PRORP: variants seen among roughly 807,000 people sequenced by gnomAD.
PRORP encodes the protein mitochondrial ribonuclease P catalytic subunit.
Under a neutral mutation model 59.4 loss-of-function variants are expected in PRORP, and 51 were observed. That is an observed-to-expected ratio of 0.86 (90% CI 0.69 to 1.08). The LOEUF is 1.08. Among genes scored for constraint, PRORP ranks in the 50% least tolerant of loss-of-function variants. The pLI is 0.00. For missense variants in PRORP, 646 were observed against 690.3 expected (o/e 0.94, Z 0.72); for synonymous variants, 231 against 245.6 (o/e 0.94, Z 0.55).
chr14:35,192,557 G>A (rs537307791), intron 5 of PRORP, among the ~76,000 whole-genome samples: 4 of 152,316 alleles, frequency 2.6e-5, no homozygotes, highest in African/African-American at 9.6e-5. Context: ...AAGTCTCCAT[G>A]ACTCATACTT....
At chr14:35,170,862 T>C (rs2048297232) in intron 4 of PRORP, among the ~76,000 whole-genome samples, 1 of 152,102 alleles carries the variant, frequency 6.6e-6, no homozygotes, top group Non-Finnish European at 1.5e-5. Flanking sequence ...TTTTCTTTTT[T>C]TTTTGTGACG....
At chr14:35,151,690 A>G (rs1000919346) in intron 4 of PRORP, among the ~76,000 whole-genome samples, 30 of 151,350 alleles carry the variant, frequency 2.0e-4, no homozygotes, top group Admixed American at 1.8e-3. Flanking sequence ...AGCTTTTACT[A>G]TATATCTTTT....
intron 2 of PRORP, among the ~76,000 whole-genome samples, chr14:35,126,195 CA>C (rs1281607128): frequency 1.3e-5 from 2 of 151,988 alleles, no homozygotes; most frequent in African/African-American, 4.8e-5. Context: ...GCAGTAGAAT[CA>C]TAAGAACTGA....
intron 5 of PRORP, among the ~76,000 whole-genome samples, chr14:35,186,812 C>T (rs574654283): frequency 6.6e-6 from 1 of 152,140 alleles, no homozygotes; most frequent in South Asian, 2.1e-4. Context: ...CTGTGTTGCT[C>T]AGGCTGGTCT....
chr14:35,232,709 C>T (rs1178665383), intron 5 of PRORP, among the ~76,000 whole-genome samples: 2 of 151,766 alleles, frequency 1.3e-5, no homozygotes, highest in East Asian at 1.9e-4. Flanking sequence ...AATCTTTCTT[C>T]GTTGCCAGGC....
chr14:35,183,393 G>C (rs1166894201), intron 5 of PRORP, among the ~76,000 whole-genome samples: 1 of 151,876 alleles, frequency 6.6e-6, no homozygotes, highest in African/African-American at 2.4e-5. Flanking sequence ...AAAATATCAG[G>C]AAAGGAAAAA....
At chr14:35,252,378 G>A (rs183807380) in intron 5 of PRORP, among the ~76,000 whole-genome samples, 1 of 152,304 alleles carries the variant, frequency 6.6e-6, no homozygotes, top group East Asian at 1.9e-4. Context: ...AGCCATGTTT[G>A]TGCCACTGCT....
chr14:35,175,957 A>G (rs1269295329), intron 4 of PRORP, among the ~76,000 whole-genome samples: 1 of 152,112 alleles, frequency 6.6e-6, no homozygotes, highest in African/African-American at 2.4e-5. Context: ...CTTTCTACAT[A>G]TGGCTAGCCA....
intron 5 of PRORP, among the ~76,000 whole-genome samples, chr14:35,223,828 T>C (rs1178891688): frequency 6.6e-6 from 1 of 152,214 alleles, no homozygotes; most frequent in Non-Finnish European, 1.5e-5. Flanking sequence ...GCTAGTAGCT[T>C]ATTTTCCATC....
At position 35,131,976 on chromosome 14, in the gene PRORP, A is replaced by C. The variant is rs2047252827; in HGVS notation, c.1167+4365A>C. 4.0e-5 allele frequency among the ~76,000 whole-genome samples: 6 copies of C among 151,820 alleles called. No homozygotes were observed. In the South Asian group the frequency reaches 1.2e-3, roughly 32 times the overall value. ...TGCCTCAGCCTCCCAAGTAGCTGGG[A>C]TTACAGGCACCTGCCACCACGCCTG... On this transcript the variant is annotated intron_variant, in intron 4 of 7. Transcript: ENST00000534898.
At chr14:35,184,368 T>C (rs1190107347) in intron 5 of PRORP, among the ~76,000 whole-genome samples, 1 of 152,190 alleles carries the variant, frequency 6.6e-6, no homozygotes, top group East Asian at 1.9e-4. Context: ...TTCATGTCAG[T>C]AGAAACTTGC....
chr14:35,125,718 T>G (rs972642104), intron 2 of PRORP, among the ~76,000 whole-genome samples: 2 of 152,220 alleles, frequency 1.3e-5, no homozygotes, highest in African/African-American at 4.8e-5. Flanking sequence ...GATTTTATTC[T>G]GTTATCAAGA....
intron 5 of PRORP, among the ~76,000 whole-genome samples, chr14:35,200,974 A>G (rs1232440539): frequency 1.3e-5 from 2 of 152,212 alleles, no homozygotes; most frequent in Non-Finnish European, 2.9e-5. Context: ...TGTTCCTATG[A>G]CAGTCACTCA....
rs1340775979 is a variant in PRORP at position 35,275,672 on chromosome 14, G to C, written c.*2106G>C. 1 of 152,114 alleles carries C rather than the reference G, an allele frequency of 6.6e-6. No homozygotes were observed. Among genetic ancestry groups the C allele is most frequent in the Non-Finnish European group, 1.5e-5 (1 of 68,028 alleles). The allele number at this position is 152,114 out of a possible 1,614,324, so 9.4% of individuals were successfully genotyped here. A position where few individuals can be genotyped will look rare whatever the true frequency, so the allele number is the denominator to read the frequency against. On this transcript the variant is annotated 3_prime_UTR_variant, in exon 8 of 8. Transcript: ENST00000534898. ...CCCAAAAAAGGAGCACATAGAGATA[G>C]AGGAGGAGGCCGAAGTGGTGGCTCA...
chr14:35,235,125 T>G, intron 5 of PRORP: 1 of 492,596 alleles, frequency 2.0e-6, no homozygotes, highest in Non-Finnish European at 3.8e-6. Flanking sequence ...GAAGGAAAAT[T>G]TGTATTATTT....
At chr14:35,236,801 G>C (rs1027483558) in intron 5 of PRORP, among the ~76,000 whole-genome samples, 1 of 151,888 alleles carries the variant, frequency 6.6e-6, no homozygotes, top group Non-Finnish European at 1.5e-5. Flanking sequence ...AATACTGTAT[G>C]TCCAAAACTG....
intron 5 of PRORP, among the ~76,000 whole-genome samples, chr14:35,189,371 C>T (rs950747160): frequency 4.0e-5 from 6 of 151,664 alleles, no homozygotes; most frequent in Admixed American, 2.0e-4. Context: ...TGGTGCCCAG[C>T]CTGCATAAAG....
chr14:35,210,995 A>G (rs1212622217), intron 5 of PRORP, among the ~76,000 whole-genome samples: 1 of 151,236 alleles, frequency 6.6e-6, no homozygotes, highest in Non-Finnish European at 1.5e-5. Context: ...CTGGTCTTAA[A>G]CTGCTGGGCT....
chr14:35,178,945 A>G (rs919887826), intron 4 of PRORP, among the ~76,000 whole-genome samples: 12 of 152,174 alleles, frequency 7.9e-5, no homozygotes, highest in African/African-American at 2.7e-4. Flanking sequence ...GGTGGTGACA[A>G]AATCTCTCAG....
Sources: allele counts gnomAD v4.1 joint callset (sites outside exome capture counted in the v4.1 genomes callset), GRCh38; gene constraint gnomAD v4.1.1; transcripts MANE v1.5; gene names NCBI Gene and HGNC (gene_info 2026-07-23, HGNC 2026-07-21).